Variants in SYTL2 observed in about 807,000 individuals in gnomAD.
SYTL2 encodes the protein synaptotagmin-like protein 2.
SYTL2 carries 165 observed loss-of-function variants against 198.7 expected under a neutral mutation model. The ratio of observed to expected loss-of-function variants is 0.83; its 90% CI spans 0.73 to 0.94. The LOEUF is 0.94. Ranked by LOEUF, SYTL2 falls within the 40% of genes least tolerant of loss-of-function variation. SYTL2 has a pLI of 0.00. For synonymous variants in SYTL2, 966 were observed against 917.7 expected (o/e 1.05, Z -0.95); for missense variants, 2,835 against 2,582.8 (o/e 1.10, Z -2.12).
intron 8 of SYTL2, among the ~76,000 whole-genome samples, chr11:85,721,605 T>C (rs931206336): frequency 6.6e-6 from 1 of 152,192 alleles, no homozygotes; most frequent in Non-Finnish European, 1.5e-5. Context: ...TAAGCTTAAG[T>C]ACTGACATTT....
Position 85,734,236 on chromosome 11 carries a change from A to G in SYTL2, c.1093T>C (p.Leu365=), listed in dbSNP as rs1307787665. The change falls in exon 7 of 20, where the codon TTG becomes CTG. Residue 365 remains leucine, a synonymous_variant. Transcript: ENST00000359152. Reference sequence around the variant, plus strand: ...CCTGCATCTTCCATTCCATTTTTCAATCTGTCAGATTCTAAAACACTAAAT... The same window carrying G: ...CCTGCATCTTCCATTCCATTTTTCAGTCTGTCAGATTCTAAAACACTAAAT... ...GEFSVLESDR[L]KNGMEDAGDT... The G allele has an allele frequency of 4.3e-6, 7 of 1,614,050 alleles. No individual in the cohort carries two copies. In the African/African-American group the frequency reaches 6.7e-5, roughly 15 times the overall value.
chr11:85,834,967 C>T, the SYTL2 span, among the ~76,000 whole-genome samples: 1 of 152,016 alleles, frequency 6.6e-6, no homozygotes, highest in East Asian at 1.9e-4. Flanking sequence ...AGTATGCTGA[C>T]CAGGCTGGTC....
intron 1 of SYTL2, among the ~76,000 whole-genome samples, chr11:85,768,035 C>T (rs1323553019): frequency 1.3e-5 from 2 of 152,200 alleles, no homozygotes; most frequent in African/African-American, 2.4e-5. Context: ...CATAGTTAGA[C>T]ACTCACTATC....
Position 85,745,777 on chromosome 11 carries a change from A to G in SYTL2, c.254-5T>C. 1 of 1,607,578 alleles carries G rather than the reference A, an allele frequency of 6.2e-7. No individual in the cohort carries two copies. On this transcript the variant is annotated splice_polypyrimidine_tract_variant and splice_region_variant and intron_variant, in intron 3 of 19. Coordinates refer to ENST00000359152, the MANE Select transcript of SYTL2 (RefSeq NM_206927.4). Reference sequence around the variant, plus strand: ...CTCTGTCTTTACTCTGCTCAGCTGAAACAGGAAACAGTAAAGACAGGAAGG... The same window carrying G: ...CTCTGTCTTTACTCTGCTCAGCTGAGACAGGAAACAGTAAAGACAGGAAGG...
At chr11:85,802,493 T>G (rs1309506979) in intron 1 of SYTL2, among the ~76,000 whole-genome samples, 1 of 152,156 alleles carries the variant, frequency 6.6e-6, no homozygotes, top group East Asian at 1.9e-4. Context: ...TCTGTCACCT[T>G]CCTACTTTCC....
intron 10 of SYTL2, chr11:85,717,737 A>T (rs749035900): frequency 3.3e-6 from 2 of 606,990 alleles, no homozygotes; most frequent in South Asian, 3.0e-5. Context: ...CTGGGATCAA[A>T]CAAAAGAGAT....
chr11:85,844,372 T>C, the SYTL2 span, among the ~76,000 whole-genome samples: 1 of 152,066 alleles, frequency 6.6e-6, no homozygotes, highest in Non-Finnish European at 1.5e-5. Flanking sequence ...TGGAGCACAG[T>C]ACCTTGGGTT....
the SYTL2 span, among the ~76,000 whole-genome samples, chr11:85,833,955 T>A: frequency 6.6e-6 from 1 of 151,948 alleles, no homozygotes; most frequent in Non-Finnish European, 1.5e-5. Flanking sequence ...CCCAGGCTAG[T>A]CTCAAACTCC....
At chr11:85,768,543 A>G (rs2092291880) in intron 1 of SYTL2, among the ~76,000 whole-genome samples, 1 of 152,218 alleles carries the variant, frequency 6.6e-6, no homozygotes, top group Non-Finnish European at 1.5e-5. Flanking sequence ...TAATGACAAT[A>G]CATAAATCCC....
intron 2 of SYTL2, among the ~76,000 whole-genome samples, chr11:85,752,124 G>A (rs1009079147): frequency 2.6e-5 from 4 of 152,240 alleles, no homozygotes; most frequent in East Asian, 1.9e-4. Flanking sequence ...GGCAAAGCTC[G>A]AACATCACCT....
In SYTL2 at chr11:85,724,910, A is replaced by G; in HGVS notation, c.4448T>C (p.Val1483Ala). The change falls in exon 8 of 20, where the codon GTG becomes GCG. Residue 1483 changes from valine to alanine, a missense_variant. Transcript: ENST00000359152. ...TTTGGGTTGAACAATTGTTTCCCTC[A>G]CAATTTCTTCCACTTCCTGAGGGAG... ...KGLPQEVEEI[V>A]RETIVQPKSE... 1 of 1,614,190 alleles carries G rather than the reference A, an allele frequency of 6.2e-7. No homozygotes were observed. Among genetic ancestry groups the G allele is most frequent in the Non-Finnish European group, 8.5e-7 (1 of 1,180,020 alleles).
At chr11:85,822,637 A>G in the SYTL2 span, among the ~76,000 whole-genome samples, 1 of 152,230 alleles carries the variant, frequency 6.6e-6, no homozygotes, top group East Asian at 1.9e-4. Context: ...ATCAGAAACT[A>G]TAGCTGTGCT....
At chr11:85,793,883 A>G (rs1397999007) in intron 1 of SYTL2, among the ~76,000 whole-genome samples, 1 of 152,252 alleles carries the variant, frequency 6.6e-6, no homozygotes, top group African/African-American at 2.4e-5. Context: ...GAACCCTGGA[A>G]AATATTTAAT....
intron 1 of SYTL2, among the ~76,000 whole-genome samples, chr11:85,804,534 A>G (rs1343413615): frequency 6.6e-6 from 1 of 152,222 alleles, no homozygotes; most frequent in Admixed American, 6.5e-5. Context: ...AAACAATCAT[A>G]GTACCAAAAA....
the SYTL2 span, among the ~76,000 whole-genome samples, chr11:85,834,395 CT>C: frequency 6.6e-6 from 1 of 151,964 alleles, no homozygotes; most frequent in East Asian, 1.9e-4. Context: ...CATCCTTTTT[CT>C]TTATGGTTTT....
Position 85,782,268 on chromosome 11 carries a change from G to A in SYTL2, c.-389-24154C>T, listed in dbSNP as rs144806589. Among the ~76,000 whole-genome samples the A allele has an allele frequency of 3.7e-3, 565 of 152,324 alleles. 4 individuals are homozygous for A. The highest frequency in any genetic ancestry group is 6.8e-3 in the Middle Eastern group (2 of 294). On this transcript the variant is annotated intron_variant, in intron 1 of 19. Coordinates refer to ENST00000359152, the MANE Select transcript of SYTL2 (RefSeq NM_206927.4). The stretch of plus-strand genomic sequence containing the variant: ...AAGTAACAACTTGAGCTGTACCTTG[G>A]TCTCTTTAAGCCATGGCTGGAGTAG...
At position 85,725,799 on chromosome 11, in the gene SYTL2, G is replaced by A. The variant is rs1243594600; in HGVS notation, c.3559C>T (p.Pro1187Ser). Residue 1187 changes from proline to serine, a missense_variant, in exon 8 of 20, where the codon CCT becomes TCT. Physicochemically the swap from Pro to Ser is moderately conservative, Grantham distance 74. This residue lies in a region of SYTL2 where 2,645 missense variants were observed against 2,381.7 expected (regional missense o/e 1.11). Transcript: ENST00000359152. Reference protein sequence around the residue: ...FADTEEEVKGPEKIINEHVDK... With the variant: ...FADTEEEVKGSEKIINEHVDK... Reference sequence around the variant, plus strand: ...ACATGCTCATTAATGATCTTCTCAGGTCCTTTGACTTCTTCCTCAGTATCA... The same window carrying A: ...ACATGCTCATTAATGATCTTCTCAGATCCTTTGACTTCTTCCTCAGTATCA... 3 of 1,614,064 alleles carry A rather than the reference G, an allele frequency of 1.9e-6. No homozygotes were observed. The highest frequency in any genetic ancestry group is 2.5e-6 in the Non-Finnish European group (3 of 1,179,964).
intron 7 of SYTL2, among the ~76,000 whole-genome samples, chr11:85,732,657 G>A (rs575106248): frequency 7.2e-5 from 11 of 152,206 alleles, no homozygotes; most frequent in African/African-American, 1.4e-4. Flanking sequence ...ACAGGTTGAT[G>A]GGTGCAGCAA....
In SYTL2 at chr11:85,704,914, A is replaced by G; in HGVS notation, c.6133T>C (p.Trp2045Arg). ...TTATTCTGTTTGTTATCCCAGTCCCATGTTTCCAAATCAAGTTCCACCTCC... is the reference window on the plus strand; with the variant it reads ...TTATTCTGTTTGTTATCCCAGTCCCGTGTTTCCAAATCAAGTTCCACCTCC... Reference protein sequence around the residue: ...LGEVELDLETWDWDNKQNKQL... With the variant: ...LGEVELDLETRDWDNKQNKQL... Residue 2045 changes from tryptophan (W) to arginine (R), a missense_variant, in exon 16 of 20, where the codon TGG (tryptophan) becomes CGG (arginine). By Grantham distance (101) the Trp-to-Arg change is moderately radical. Around this residue, in one of 3 missense-constraint regions of SYTL2, gnomAD observed 2,645 missense variants for 2,381.7 expected, o/e 1.11. Transcript: ENST00000359152. 1.2e-6 allele frequency: 2 copies of G among 1,613,810 alleles called. No homozygotes were observed. The highest frequency in any genetic ancestry group is 1.7e-6 in the Non-Finnish European group (2 of 1,179,766).
Sources: gnomAD v4.1 joint callset for allele counts (sites outside exome capture counted in the v4.1 genomes callset) on GRCh38, gnomAD v4.1.1 for gene constraint, gnomAD v4.1.1 regional missense constraint, MANE v1.5 for transcripts, NCBI Gene and HGNC (gene_info 2026-07-23, HGNC 2026-07-21) for gene names.